Variants in GPR149 observed in about 807,000 individuals in gnomAD.
The protein encoded by GPR149 is probable G protein-coupled receptor 149.
A neutral mutation model predicts 50.2 loss-of-function variants in GPR149; 50 were observed. That is an observed-to-expected ratio of 1.00 (90% confidence interval 0.79 to 1.26). The LOEUF (loss-of-function observed/expected upper bound fraction) is 1.26, where lower values mean the gene tolerates loss of function less well. GPR149 is among the 50% of genes most tolerant of loss of function. The probability of loss-of-function intolerance (pLI) is 0.00; values close to 1 mark genes in which losing one functional copy is unlikely to be tolerated. For missense variants in GPR149, 983 were observed against 895.4 expected, an observed-to-expected ratio of 1.10 and a Z score of -1.25; for synonymous variants, 405 against 358.2, an observed-to-expected ratio of 1.13 and a Z score of -1.48.
intron 3 of GPR149, among the ~76,000 whole-genome samples, chr3:154,385,435 C>T (rs1216471162): frequency 6.6e-6 from 1 of 152,114 alleles, no homozygotes; most frequent in Non-Finnish European, 1.5e-5. Context: ...AATCATTGTC[C>T]TCTTTGTGAA....
At chr3:154,377,662 G>C (rs891132848) in intron 3 of GPR149, among the ~76,000 whole-genome samples, 3 of 151,944 alleles carry the variant, frequency 2.0e-5, no homozygotes, top group Non-Finnish European at 2.9e-5. Context: ...CACTGTGCCC[G>C]GCCCACTCTG....
At chr3:154,350,903 T>A (rs554188419) in intron 3 of GPR149, among the ~76,000 whole-genome samples, 1 of 152,276 alleles carries the variant, frequency 6.6e-6, no homozygotes, top group South Asian at 2.1e-4. Flanking sequence ...ATCTCTAGAT[T>A]ACTTATAATA....
intron 3 of GPR149, among the ~76,000 whole-genome samples, chr3:154,412,670 A>G (rs1007737380): frequency 2.0e-4 from 31 of 152,120 alleles, no homozygotes; most frequent in African/African-American, 7.2e-4. Flanking sequence ...AGCAAATGGA[A>G]GCACATCCCA....
chr3:154,364,558 A>G (rs530888419), intron 3 of GPR149, among the ~76,000 whole-genome samples: 1 of 152,336 alleles, frequency 6.6e-6, no homozygotes, highest in East Asian at 1.9e-4. Flanking sequence ...TCAAAATACA[A>G]TGGTGAGATA....
chr3:154,426,317 A>G (rs939454128), intron 2 of GPR149, among the ~76,000 whole-genome samples: 12 of 152,234 alleles, frequency 7.9e-5, no homozygotes, highest in African/African-American at 2.9e-4. Flanking sequence ...ATTAAATGCC[A>G]TCACTATGAC....
intron 3 of GPR149, among the ~76,000 whole-genome samples, chr3:154,345,535 G>A (rs1713906196): frequency 6.6e-6 from 1 of 152,076 alleles, no homozygotes; most frequent in Non-Finnish European, 1.5e-5. Context: ...GTGGCAAGGA[G>A]CTTTTTATTT....
chr3:154,335,768 T>C lies in GPR149; in HGVS notation c.*1931A>G, dbSNP rs1713642945. The C allele has an allele frequency of 6.6e-6, 1 of 150,508 alleles. No individual in the cohort carries two copies. The highest frequency in any genetic ancestry group is 1.5e-5 in the Non-Finnish European group (1 of 67,980). The allele number at this position is 150,508 out of a possible 1,614,324, so 9.3% of individuals were successfully genotyped here. ...TCCCATTCAAATTGCTGTGCAGTTATAAAGAATTTGTTTGCCTTCAAATCT... is the reference window on the plus strand; with the variant it reads ...TCCCATTCAAATTGCTGTGCAGTTACAAAGAATTTGTTTGCCTTCAAATCT... On this transcript the variant is annotated 3_prime_UTR_variant, in exon 4 of 4. Coordinates refer to ENST00000389740, the MANE Select transcript of GPR149 (RefSeq NM_001038705.3).
intron 2 of GPR149, among the ~76,000 whole-genome samples, chr3:154,423,198 T>C (rs774754185): frequency 1.3e-5 from 2 of 151,876 alleles, no homozygotes; most frequent in East Asian, 1.9e-4. Context: ...GACCATGATG[T>C]GATAGAACAT....
intron 3 of GPR149, among the ~76,000 whole-genome samples, chr3:154,341,750 TG>T (rs1713803669): frequency 1.3e-5 from 2 of 152,150 alleles, no homozygotes; most frequent in Admixed American, 1.3e-4. Context: ...CAGGGGTAAA[TG>T]CTTGCAGATA....
chr3:154,337,873 G>A lies in GPR149; in HGVS notation c.2022C>T (p.Leu674=), dbSNP rs1713691899. 2 of 1,613,616 alleles carry A rather than the reference G, an allele frequency of 1.2e-6. No homozygotes were observed. The highest frequency in any genetic ancestry group is 1.7e-5 in the Admixed American group (1 of 59,962). Residue 674 remains leucine, a synonymous_variant, in exon 4 of 4, where the codon CTC becomes CTT. Coordinates refer to ENST00000389740, the MANE Select transcript of GPR149 (RefSeq NM_001038705.3). The part of the protein sequence containing the change: ...CDLGETASYS[L]FLPTSNPDGD... ...CATCAGGATTACTGGTGGGCAAAAA[G>A]AGGGAGTATGAGGCTGTTTCCCCTA...
chr3:154,350,189 C>T, intron 3 of GPR149, among the ~76,000 whole-genome samples: 1 of 151,870 alleles, frequency 6.6e-6, no homozygotes, highest in Non-Finnish European at 1.5e-5. Context: ...GAGTGAAACC[C>T]TGTCTCAAAA....
intron 3 of GPR149, among the ~76,000 whole-genome samples, chr3:154,404,466 A>G (rs1471510117): frequency 2.0e-5 from 3 of 152,210 alleles, no homozygotes; most frequent in Non-Finnish European, 2.9e-5. Flanking sequence ...AGAGAATAAT[A>G]CCCAAATCTC....
At chr3:154,393,281 T>C (rs1433580235) in intron 3 of GPR149, among the ~76,000 whole-genome samples, 1 of 151,986 alleles carries the variant, frequency 6.6e-6, no homozygotes, top group Non-Finnish European at 1.5e-5. Context: ...GTTCAACATA[T>C]AAAAATCAAT....
intron 3 of GPR149, among the ~76,000 whole-genome samples, chr3:154,382,121 G>C (rs894145276): frequency 2.6e-5 from 4 of 152,140 alleles, no homozygotes; most frequent in African/African-American, 9.7e-5. Flanking sequence ...GATTATGAGA[G>C]ACTAGAAGAC....
At position 154,428,981 on chromosome 3, in the gene GPR149, A is replaced by G; in HGVS notation, c.635T>C (p.Leu212Pro). 24 of 1,614,044 alleles carry G rather than the reference A, an allele frequency of 1.5e-5. No homozygotes were observed. The highest frequency in any genetic ancestry group is 2.0e-5 in the Non-Finnish European group (24 of 1,179,986). ...CTCCGAACACAGCAATCGGTGAGTG[A>G]GTGGGACTGAGAGGCCCACGAGGAG... Reference protein sequence around the residue: ...FGLLVGLSVPLTHRLLCSEEP... With the variant: ...FGLLVGLSVPPTHRLLCSEEP... The change falls in exon 1 of 4, where the codon CTC (leucine) becomes CCC (proline). Residue 212 changes from leucine to proline, a missense_variant. Leu to Pro is a moderately conservative substitution (Grantham distance 98). Coordinates refer to ENST00000389740, the MANE Select transcript of GPR149 (RefSeq NM_001038705.3).
intron 3 of GPR149, among the ~76,000 whole-genome samples, chr3:154,351,372 T>C (rs535623644): frequency 1.9e-4 from 28 of 148,448 alleles, no homozygotes; most frequent in Admixed American, 6.7e-4. Context: ...TTTCATAGTT[T>C]ATTCAAAAAT....
At chr3:154,371,980 C>T (rs1008333675) in intron 3 of GPR149, among the ~76,000 whole-genome samples, 1 of 124,988 alleles carries the variant, frequency 8.0e-6, no homozygotes, top group African/African-American at 2.9e-5. Flanking sequence ...CTACCAAGGA[C>T]CCCTGGATCG....
chr3:154,424,186 A>G (rs946153826), intron 2 of GPR149, among the ~76,000 whole-genome samples: 3 of 151,892 alleles, frequency 2.0e-5, no homozygotes, highest in African/African-American at 7.2e-5. Flanking sequence ...GTAACAATAA[A>G]AATTGGTTAA....
At chr3:154,406,758 A>C (rs1711706998) in intron 3 of GPR149, among the ~76,000 whole-genome samples, 2 of 152,252 alleles carry the variant, frequency 1.3e-5, no homozygotes, top group South Asian at 2.1e-4. Context: ...TACTTACAGA[A>C]GGTATGTAGG....
Sources: allele counts gnomAD v4.1 joint callset (sites outside exome capture counted in the v4.1 genomes callset), GRCh38; gene constraint gnomAD v4.1.1; transcripts MANE v1.5; gene names NCBI Gene and HGNC (gene_info 2026-07-23, HGNC 2026-07-21).